SYNDIG1: variants seen among roughly 807,000 people sequenced by gnomAD.
The protein encoded by SYNDIG1 is synapse differentiation-inducing gene protein 1.
Under a neutral mutation model 19.4 loss-of-function variants are expected in SYNDIG1, and 9 were observed. The observed-to-expected ratio is 0.46, with a 90% CI of 0.28 to 0.81. The LOEUF (loss-of-function observed/expected upper bound fraction) is 0.81, where lower values mean the gene tolerates loss of function less well. Ranked by LOEUF, SYNDIG1 falls within the 30% of genes least tolerant of loss-of-function variation. The pLI, the probability that SYNDIG1 is intolerant of heterozygous loss-of-function variation, is 0.12. For missense variants in SYNDIG1, 311 were observed against 343.3 expected (o/e 0.91, Z 0.74); for synonymous variants, 141 against 145.9 (o/e 0.97, Z 0.24).
At chr20:24,624,536 T>A (rs76856809) in intron 3 of SYNDIG1, among the ~76,000 whole-genome samples, 2,836 of 151,152 alleles carry the variant, frequency 0.019, 44 homozygotes, top group African/African-American at 0.042. Context: ...CCACAAAGAG[T>A]CAAAACATGA....
intron 1 of SYNDIG1, among the ~76,000 whole-genome samples, chr20:24,511,412 C>T (rs2056739531): frequency 6.6e-6 from 1 of 152,186 alleles, no homozygotes; most frequent in Non-Finnish European, 1.5e-5. Flanking sequence ...TTTCCCAGCA[C>T]CAGGCCAATG....
At chr20:24,601,209 G>A (rs761263102) in intron 3 of SYNDIG1, among the ~76,000 whole-genome samples, 3 of 152,156 alleles carry the variant, frequency 2.0e-5, no homozygotes, top group Non-Finnish European at 4.4e-5. Flanking sequence ...ATTTGTATAT[G>A]TTGCTGAATT....
At chr20:24,502,958 G>A (rs764059855) in intron 1 of SYNDIG1, among the ~76,000 whole-genome samples, 20 of 152,166 alleles carry the variant, frequency 1.3e-4, no homozygotes, top group Non-Finnish European at 2.6e-4. Flanking sequence ...AAGTAGATAC[G>A]AACTTTGGCA....
rs768797546 is a variant in SYNDIG1, at chr20:24,644,417, A to C, written c.619-20929A>C. ...GGCATATAATTTCATTCACCTCTTG[A>C]CTTAGTGCTTTGCATAGCACTGGGA... On this transcript the variant is annotated intron_variant, in intron 3 of 3. Transcript: ENST00000376862. 2.6e-5 allele frequency among the ~76,000 whole-genome samples: 4 copies of C among 152,304 alleles called. No individual in the cohort carries two copies. In the Middle Eastern group the frequency reaches 0.01, roughly 389 times the overall value.
chr20:24,478,348 T>A (rs2055694484), intron 1 of SYNDIG1, among the ~76,000 whole-genome samples: 1 of 152,140 alleles, frequency 6.6e-6, no homozygotes, highest in Non-Finnish European at 1.5e-5. Flanking sequence ...TTGGCTGTTA[T>A]TCTGTGTGAC....
intron 1 of SYNDIG1, among the ~76,000 whole-genome samples, chr20:24,503,717 G>C (rs1450367578): frequency 6.6e-6 from 1 of 151,894 alleles, no homozygotes; most frequent in Non-Finnish European, 1.5e-5. Context: ...CTGACCCTGT[G>C]CTAACTTTCC....
At chr20:24,497,594 T>C (rs151246991) in intron 1 of SYNDIG1, among the ~76,000 whole-genome samples, 4 of 152,336 alleles carry the variant, frequency 2.6e-5, no homozygotes, top group African/African-American at 7.2e-5. Context: ...TGAACTAGTC[T>C]TCTATGTGCA....
chr20:24,569,949 T>G (rs2058113738), intron 2 of SYNDIG1, among the ~76,000 whole-genome samples: 1 of 152,258 alleles, frequency 6.6e-6, no homozygotes, highest in African/African-American at 2.4e-5. Flanking sequence ...GTTGTATCTA[T>G]TTGAAGTGCA....
intron 1 of SYNDIG1, among the ~76,000 whole-genome samples, chr20:24,473,923 AT>A (rs2055544321): frequency 6.6e-6 from 1 of 152,182 alleles, no homozygotes; most frequent in South Asian, 2.1e-4. Context: ...TTTGTCTAAG[AT>A]CATTCAACTA....
At chr20:24,537,579 A>G (rs1175164340) in intron 1 of SYNDIG1, among the ~76,000 whole-genome samples, 2 of 152,104 alleles carry the variant, frequency 1.3e-5, no homozygotes, top group African/African-American at 4.8e-5. Flanking sequence ...TTTTCTCGGT[A>G]TGGTATACAC....
intron 3 of SYNDIG1, among the ~76,000 whole-genome samples, chr20:24,600,976 T>C (rs1438818049): frequency 6.6e-6 from 1 of 152,186 alleles, no homozygotes; most frequent in African/African-American, 2.4e-5. Flanking sequence ...GGCACTCTTA[T>C]CTTGTATCAA....
chr20:24,567,172 A>G (rs1237818454), intron 2 of SYNDIG1, among the ~76,000 whole-genome samples: 1 of 152,136 alleles, frequency 6.6e-6, no homozygotes, highest in African/African-American at 2.4e-5. Context: ...TTTATTGAGT[A>G]AAAAGGAAGA....
intron 3 of SYNDIG1, among the ~76,000 whole-genome samples, chr20:24,657,464 C>T (rs2059538688): frequency 6.6e-6 from 1 of 152,204 alleles, no homozygotes; most frequent in African/African-American, 2.4e-5. Flanking sequence ...ACCTAGCCTT[C>T]CTCTGGTGTT....
intron 1 of SYNDIG1, among the ~76,000 whole-genome samples, chr20:24,521,538 A>G (rs755275372): frequency 1.3e-5 from 2 of 148,692 alleles, no homozygotes; most frequent in Non-Finnish European, 3.0e-5. Context: ...CTCTACAATA[A>G]TATGAATTTT....
chr20:24,660,677 C>T (rs2059574586), intron 3 of SYNDIG1, among the ~76,000 whole-genome samples: 1 of 152,242 alleles, frequency 6.6e-6, no homozygotes, highest in African/African-American at 2.4e-5. Flanking sequence ...CATCTGGGCA[C>T]TTGGCAGGTT....
At chr20:24,518,922 C>A (rs1039147779) in intron 1 of SYNDIG1, among the ~76,000 whole-genome samples, 8 of 152,334 alleles carry the variant, frequency 5.3e-5, no homozygotes, top group South Asian at 2.1e-4. Flanking sequence ...AAGCAGGGTG[C>A]TCCAGCAGGG....
At chr20:24,534,226 G>T (rs1299545329) in intron 1 of SYNDIG1, among the ~76,000 whole-genome samples, 2 of 152,148 alleles carry the variant, frequency 1.3e-5, no homozygotes, top group East Asian at 3.9e-4. Flanking sequence ...ACAGCCCCTG[G>T]TTGATGTGAC....
At chr20:24,496,614 C>T (rs1194411165) in intron 1 of SYNDIG1, among the ~76,000 whole-genome samples, 6 of 152,126 alleles carry the variant, frequency 3.9e-5, no homozygotes, top group Admixed American at 2.0e-4. Context: ...TCTGTTTTCT[C>T]ATCTTTAAAA....
intron 3 of SYNDIG1, among the ~76,000 whole-genome samples, chr20:24,620,542 G>A (rs777119718): frequency 7.9e-5 from 12 of 152,168 alleles, no homozygotes; most frequent in Non-Finnish European, 1.2e-4. Flanking sequence ...TCAAGCAAAC[G>A]TCCTACATCA....
Sources: allele counts gnomAD v4.1 joint callset (sites outside exome capture counted in the v4.1 genomes callset), GRCh38; gene constraint gnomAD v4.1.1; transcripts MANE v1.5; gene names NCBI Gene and HGNC (gene_info 2026-07-23, HGNC 2026-07-21).